Variants in GARNL3 observed in about 807,000 individuals in gnomAD.
GARNL3 encodes GTPase-activating Rap/Ran-GAP domain-like protein 3.
In GARNL3, 63 loss-of-function variants were observed where a neutral mutation model predicts 125.0. That is an observed-to-expected ratio of 0.50 (90% CI 0.41 to 0.62). GARNL3 has a LOEUF of 0.62. GARNL3 is among the 20% of genes least tolerant of loss of function. GARNL3 has a pLI of 0.00. For missense variants in GARNL3, 994 were observed against 1,244.0 expected (o/e 0.80, Z 3.02); for synonymous variants, 439 against 457.5 (o/e 0.96, Z 0.52).
Position 127,313,475 on chromosome 9 carries a change from G to C in GARNL3, c.354G>C (p.Lys118Asn), listed in dbSNP as rs1372514948. 6.2e-7 allele frequency: 1 copy of C among 1,614,068 alleles called. No homozygotes were observed. Among genetic ancestry groups the C allele is most frequent in the South Asian group, 1.1e-5 (1 of 91,078 alleles). Residue 118 changes from lysine to asparagine, a missense_variant, in exon 4 of 28, where the codon AAG becomes AAC. Coordinates refer to ENST00000373387, the MANE Select transcript of GARNL3 (RefSeq NM_032293.5). ...ACTACATTGGAAACGATGCCGAGAA[G>C]AGCCCTTTCTTCTTGTCCGTGACCC... is the stretch of plus-strand genomic sequence containing the variant. ...HQNYIGNDAE[K>N]SPFFLSVTLS...
chr9:127,235,794 T>C (rs1275673963), intron 1 of GARNL3, among the ~76,000 whole-genome samples: 1 of 152,112 alleles, frequency 6.6e-6, no homozygotes, highest in Non-Finnish European at 1.5e-5. Flanking sequence ...TTTGGAACAG[T>C]GAGGGTGAAA....
chr9:127,306,761 C>G (rs2131442661), intron 2 of GARNL3, among the ~76,000 whole-genome samples: 1 of 151,594 alleles, frequency 6.6e-6, no homozygotes, highest in South Asian at 2.1e-4. Context: ...GTGGCACACA[C>G]CTGTAATCCT....
intron 16 of GARNL3, among the ~76,000 whole-genome samples, chr9:127,347,382 A>G (rs1830197647): frequency 6.6e-6 from 1 of 152,058 alleles, no homozygotes; most frequent in Non-Finnish European, 1.5e-5. Context: ...TGTTCACACC[A>G]CTGCACTCCA....
At chr9:127,324,653 G>GAAAAGGAAAGTAATTTAAGTT (rs751793491) in intron 6 of GARNL3, among the ~76,000 whole-genome samples, 34 of 152,236 alleles carry the variant, frequency 2.2e-4, no homozygotes, top group Non-Finnish European at 4.0e-4. Flanking sequence ...GACTAAGAAT[G>GAAAAGGAAAGTAATTTAAGTT]AAAAGGAAAG....
rs60448026 is a variant in GARNL3 at position 127,331,720 on chromosome 9, C to CTTTTTTTTTTTTTTTTTTTTTTTTT, written c.595-539_595-538insTTTTTTTTTTTTTTTTTTTTTTTTT. On this transcript the variant is annotated intron_variant, in intron 7 of 27. Coordinates refer to ENST00000373387, the MANE Select transcript of GARNL3 (RefSeq NM_032293.5). ...CTACTGCTTGCTTGGCTTGGGCTTG[C>CTTTTTTTTTTTTTTTTTTTTTTTTT]TTTTTTTTTTTTTTTCACATCTGTT... 1.6e-3 allele frequency among the ~76,000 whole-genome samples: 118 copies of CTTTTTTTTTTTTTTTTTTTTTTTTT among 74,384 alleles called. 11 individuals are homozygous for CTTTTTTTTTTTTTTTTTTTTTTTTT. Among genetic ancestry groups the CTTTTTTTTTTTTTTTTTTTTTTTTT allele is most frequent in the East Asian group, 6.6e-3 (10 of 1,508 alleles). The allele number at this position is 74,384 out of a possible 152,430, so 48.8% of individuals were successfully genotyped here.
At chr9:127,234,500 T>C (rs1320346552) in intron 1 of GARNL3, among the ~76,000 whole-genome samples, 3 of 151,962 alleles carry the variant, frequency 2.0e-5, no homozygotes, top group Non-Finnish European at 4.4e-5. Context: ...TGTGGGAAAA[T>C]AGAAACCCCA....
chr9:127,238,621 G>A (rs1008284565), intron 1 of GARNL3, among the ~76,000 whole-genome samples: 10 of 152,200 alleles, frequency 6.6e-5, no homozygotes, highest in Admixed American at 6.5e-4. Context: ...ACTGCCCCCA[G>A]AAAGCACTTC....
intron 2 of GARNL3, among the ~76,000 whole-genome samples, chr9:127,294,318 C>A (rs530054291): frequency 6.6e-6 from 1 of 152,084 alleles, no homozygotes; most frequent in South Asian, 2.1e-4. Flanking sequence ...CCCCTCCCCC[C>A]GGCCAAGACA....
intron 6 of GARNL3, 75 bp from the exon 7 acceptor site, chr9:127,324,994 T>G: frequency 1.4e-6 from 2 of 1,427,884 alleles, no homozygotes; most frequent in Non-Finnish European, 2.0e-6. Flanking sequence ...AAACCAAAGC[T>G]TGGCTTTCAC....
At chr9:127,319,045 C>T (rs61253095) in intron 5 of GARNL3, among the ~76,000 whole-genome samples, 1 of 152,286 alleles carries the variant, frequency 6.6e-6, no homozygotes, top group African/African-American at 2.4e-5. Flanking sequence ...CTAGTGATTT[C>T]CTCTCTATTC....
intron 4 of GARNL3, among the ~76,000 whole-genome samples, chr9:127,314,815 G>A (rs1273342314): frequency 6.6e-6 from 1 of 152,226 alleles, no homozygotes; most frequent in East Asian, 1.9e-4. Context: ...GAGAATGACA[G>A]AGCATGCTAC....
intron 1 of GARNL3, among the ~76,000 whole-genome samples, chr9:127,240,740 C>T (rs910377416): frequency 6.6e-6 from 1 of 152,064 alleles, no homozygotes; most frequent in Non-Finnish European, 1.5e-5. Flanking sequence ...CATGTCTATA[C>T]AAATAATGTT....
At chr9:127,315,286 AT>A (rs1259032926) in intron 4 of GARNL3, among the ~76,000 whole-genome samples, 1 of 152,090 alleles carries the variant, frequency 6.6e-6, no homozygotes, top group Non-Finnish European at 1.5e-5. Context: ...GAAATATGTG[AT>A]TCAACCCTCG....
rs146080746 is a variant in GARNL3, at chr9:127,251,239, G to A, written c.143+7990G>A. 6.0e-3 allele frequency among the ~76,000 whole-genome samples: 915 copies of A among 152,242 alleles called. 5 individuals carry two copies. The highest frequency in any genetic ancestry group is 9.9e-3 in the Non-Finnish European group (676 of 68,016). On this transcript the variant is annotated intron_variant, in intron 2 of 10. Transcript: ENST00000439286. ...CTAATTTTGTCCTTAGAAACAGCCT[G>A]GTTGTTTTCTTGTCGTCTCCTATAG... is the stretch of plus-strand genomic sequence containing the variant.
In GARNL3 at chr9:127,364,330, G is replaced by C. The variant is rs559367071; in HGVS notation, c.2095-970G>C. 3 of 152,610 alleles carry C rather than the reference G, an allele frequency of 2.0e-5. No homozygotes were observed. The highest frequency in any genetic ancestry group is 7.2e-5 in the African/African-American group (3 of 41,566). 9.5% of individuals were successfully genotyped at this position (152,610 alleles called of 1,614,324 possible). A position where few individuals can be genotyped will look rare whatever the true frequency, so the allele number is the denominator to read the frequency against. The stretch of plus-strand genomic sequence containing the variant: ...ATCTGAGGTGGGAGAGAGGGCAGGA[G>C]GCAGAAGATGTCACCCATCAGAGGC... On this transcript the variant is annotated intron_variant, in intron 21 of 27. Transcript: ENST00000373387. The surrounding 1 kb of genome is among the most constrained non-coding windows in gnomAD (Gnocchi z 4.2).
chr9:127,325,362 G>A (rs189138047), intron 7 of GARNL3, among the ~76,000 whole-genome samples: 40 of 152,230 alleles, frequency 2.6e-4, no homozygotes, highest in African/African-American at 9.2e-4. Flanking sequence ...TTATGATCAG[G>A]GTGAGTAATG....
chr9:127,227,699 T>A (rs2062938694), intron 1 of GARNL3, among the ~76,000 whole-genome samples: 1 of 151,980 alleles, frequency 6.6e-6, no homozygotes, highest in African/African-American at 2.4e-5. Flanking sequence ...CGGGGACCGC[T>A]TGAGGCCTCA....
intron 2 of GARNL3, among the ~76,000 whole-genome samples, chr9:127,303,967 T>C (rs1056062469): frequency 4.6e-5 from 7 of 152,190 alleles, no homozygotes; most frequent in Admixed American, 3.3e-4. Flanking sequence ...TGTGGGCATG[T>C]ACAGGCCTGA....
chr9:127,256,012 T>C (rs1419652975), intron 2 of GARNL3, among the ~76,000 whole-genome samples: 1 of 152,198 alleles, frequency 6.6e-6, no homozygotes, highest in East Asian at 1.9e-4. Context: ...TTTCAAGGGA[T>C]TTCCCCAAAG....
Sources: allele counts gnomAD v4.1 joint callset (sites outside exome capture counted in the v4.1 genomes callset), GRCh38; gene constraint gnomAD v4.1.1; non-coding constraint Gnocchi (gnomAD v3.1); transcripts MANE v1.5; gene names NCBI Gene and HGNC (gene_info 2026-07-23, HGNC 2026-07-21).